The following SLC30A3 variants were observed in gnomAD, a reference collection of about 807,000 sequenced individuals.
SLC30A3 encodes solute carrier family 30 member 3.
SLC30A3 carries 20 observed loss-of-function variants against 35.6 expected under a neutral mutation model. The ratio of observed to expected loss-of-function variants is 0.56; its 90% CI spans 0.39 to 0.82. SLC30A3 has a LOEUF of 0.82. Among genes scored for constraint, SLC30A3 ranks in the 40% least tolerant of loss-of-function variants. The probability of loss-of-function intolerance (pLI) is 0.00; values close to 1 mark genes in which losing one functional copy is unlikely to be tolerated. For synonymous variants in SLC30A3, 217 were observed against 224.7 expected (o/e 0.97, Z 0.31); for missense variants, 401 against 530.6 (o/e 0.76, Z 2.40).
At position 27,256,491 on chromosome 2, in the gene SLC30A3, C is replaced by T. The variant is rs763233507; in HGVS notation, c.913G>A (p.Val305Met). 8 of 1,614,020 alleles carry T rather than the reference C, an allele frequency of 5.0e-6. No homozygotes were observed. Among genetic ancestry groups the T allele is most frequent in the African/African-American group, 4.0e-5 (3 of 74,918 alleles). The change falls in exon 7 of 8, where the codon GTG becomes ATG. Residue 305 changes from valine (V) to methionine (M), a missense_variant. Coordinates refer to ENST00000233535, the MANE Select transcript of SLC30A3 (RefSeq NM_003459.5). ...GGCACCGACAACAGCGTATCCCGCACAGGTTCGAACCCCACATTGCGGGGG... is the reference window on the plus strand; with the variant it reads ...GGCACCGACAACAGCGTATCCCGCATAGGTTCGAACCCCACATTGCGGGGG... Reference protein sequence around the residue: ...GTPRNVGFEPVRDTLLSVPGV... With the variant: ...GTPRNVGFEPMRDTLLSVPGV...
chr2:27,255,835 T>C lies in SLC30A3; in HGVS notation c.1019-375A>G, dbSNP rs567446466. 95 of 229,248 alleles carry C rather than the reference T, an allele frequency of 4.1e-4. No individual in the cohort carries two copies. The highest frequency in any genetic ancestry group is 2.1e-3 in the African/African-American group (92 of 43,118). The allele number at this position is 229,248 out of a possible 1,614,324, so 14.2% of individuals were successfully genotyped here. A position where few individuals can be genotyped will look rare whatever the true frequency, so the allele number is the denominator to read the frequency against. ...CCCACAAATTATAATATTTTTGGCA[T>C]ACAAATTGCATGACTCTGATTGCTT... On this transcript the variant is annotated intron_variant, in intron 7 of 7. Transcript: ENST00000233535. The surrounding 1 kb of genome is among the most constrained non-coding windows in gnomAD (Gnocchi z 5.2).
At chr2:27,274,659 G>C (rs1677914786) in intron 1 of SLC30A3, among the ~76,000 whole-genome samples, 1 of 146,452 alleles carries the variant, frequency 6.8e-6, no homozygotes. Context: ...TAGCAATAGA[G>C]ATCAAGAGCG....
intron 1 of SLC30A3, among the ~76,000 whole-genome samples, chr2:27,272,443 A>C (rs1677763892): frequency 6.6e-6 from 1 of 151,966 alleles, no homozygotes; most frequent in South Asian, 2.1e-4. Flanking sequence ...AATGGTCAAC[A>C]AACAAACAAG....
At chr2:27,272,648 G>T (rs1408323494) in intron 1 of SLC30A3, among the ~76,000 whole-genome samples, 1 of 151,542 alleles carries the variant, frequency 6.6e-6, no homozygotes, top group African/African-American at 2.4e-5. Context: ...GACTGGTCTT[G>T]AACTCCTGAC....
chr2:27,260,231 C>T lies in SLC30A3; in HGVS notation c.96-1297G>A, dbSNP rs1254107260. On this transcript the variant is annotated intron_variant, in intron 1 of 7. Coordinates refer to ENST00000233535, the MANE Select transcript of SLC30A3 (RefSeq NM_003459.5). ...GACATTGGGGCCAAAAAGTCTGATT[C>T]CGGGCACAGAGAACTGATGGCTAGA... Among the ~76,000 whole-genome samples, 9 of 152,232 alleles carry T rather than the reference C, an allele frequency of 5.9e-5. No homozygotes were observed. The South Asian group carries it at 1.9e-3, about 32-fold the overall frequency.
At chr2:27,270,115 G>A (rs1677670243) in intron 1 of SLC30A3, among the ~76,000 whole-genome samples, 1 of 152,128 alleles carries the variant, frequency 6.6e-6, no homozygotes, top group Non-Finnish European at 1.5e-5. Context: ...AATTTTATCT[G>A]TTATTCCTTT....
chr2:27,259,388 G>A (rs1054988472), intron 1 of SLC30A3, among the ~76,000 whole-genome samples: 39 of 152,154 alleles, frequency 2.6e-4, no homozygotes, highest in African/African-American at 7.5e-4. Context: ...AGCTACTTGG[G>A]AGGCTGAGGC....
At chr2:27,270,031 A>T (rs927395549) in intron 1 of SLC30A3, among the ~76,000 whole-genome samples, 1 of 152,178 alleles carries the variant, frequency 6.6e-6, no homozygotes, top group Admixed American at 6.5e-5. Context: ...AACAGAAAGA[A>T]GTGATTTAAG....
Position 27,257,198 on chromosome 2 carries a change from G to GC in SLC30A3, c.732dup (p.Gln245AlafsTer76). ...GAGGCAGCCAGTACCCCAAAGCTCT[G>GC]CAGGAGGTCCCCCAGCACGTGCACA... On this transcript the variant is annotated frameshift_variant, in exon 5 of 8. Coordinates refer to ENST00000233535, the MANE Select transcript of SLC30A3 (RefSeq NM_003459.5). LOFTEE classifies it high-confidence loss of function. The surrounding 1 kb of genome is among the most constrained non-coding windows in gnomAD (Gnocchi z 4.7). 6.2e-7 allele frequency: 1 copy of GC among 1,614,098 alleles called. No individual in the cohort carries two copies. Among genetic ancestry groups the GC allele is most frequent in the Non-Finnish European group, 8.5e-7 (1 of 1,180,008 alleles).
chr2:27,261,054 C>T lies in SLC30A3; in HGVS notation c.95+1758G>A, dbSNP rs577289037. 6.6e-5 allele frequency among the ~76,000 whole-genome samples: 10 copies of T among 152,258 alleles called. No homozygotes were observed. In the East Asian group the frequency reaches 7.7e-4, roughly 12 times the overall value. On this transcript the variant is annotated intron_variant, in intron 1 of 7. Coordinates refer to ENST00000233535, the MANE Select transcript of SLC30A3 (RefSeq NM_003459.5). ...CAGGGAAGGGAGCACTCCCTCACAG[C>T]GGGCTCGGAGAACTTCACAGAGAAA...
intron 1 of SLC30A3, among the ~76,000 whole-genome samples, chr2:27,274,030 C>T (rs950092122): frequency 6.6e-6 from 1 of 152,066 alleles, no homozygotes; most frequent in Non-Finnish European, 1.5e-5. Flanking sequence ...CAATGGCTCA[C>T]GCCTTCAAGG....
chr2:27,264,292 A>T (rs1447787834), upstream of SLC30A3, among the ~76,000 whole-genome samples: 1 of 152,162 alleles, frequency 6.6e-6, no homozygotes, highest in Non-Finnish European at 1.5e-5. This position sits in a 1 kb window ranked among gnomAD's most constrained non-coding sequence, Gnocchi z 6.1. Context: ...GGGGACAGAC[A>T]CCTACCCTCG....
In SLC30A3 at chr2:27,254,156, A is replaced by T. The variant is rs1223210502; in HGVS notation, c.*1156T>A. The T allele has an allele frequency of 2.0e-5, 3 of 152,148 alleles. No homozygotes were observed. In the East Asian group the frequency reaches 5.8e-4, roughly 29 times the overall value. 9.4% of individuals were successfully genotyped at this position (152,148 alleles called of 1,614,324 possible). ...GGTTGAGGGGTCCCTACCGCTGGAC[A>T]CCTTAGATGGCCTGAGAACCAAGCC... On this transcript the variant is annotated 3_prime_UTR_variant, in exon 8 of 8. Coordinates refer to ENST00000233535, the MANE Select transcript of SLC30A3 (RefSeq NM_003459.5).
At chr2:27,268,496 A>G (rs773003589) in intron 1 of SLC30A3, among the ~76,000 whole-genome samples, 69 of 152,276 alleles carry the variant, frequency 4.5e-4, no homozygotes, top group Admixed American at 2.6e-3. Flanking sequence ...GCTCACGCCT[A>G]TAATCCCAGC....
At chr2:27,263,957 C>T (rs1366649524), upstream of SLC30A3, 8 of 992,562 alleles carry the variant, frequency 8.1e-6, no homozygotes, top group East Asian at 3.0e-4. Context: ...TGGACATTAC[C>T]GCATTCTGCC....
Position 27,262,722 on chromosome 2 carries a change from G to T in SLC30A3, c.95+90C>A. 1 of 1,298,658 alleles carries T rather than the reference G, an allele frequency of 7.7e-7. No individual in the cohort carries two copies. Among genetic ancestry groups the T allele is most frequent in the Non-Finnish European group, 1.0e-6 (1 of 987,098 alleles). The allele number at this position is 1,298,658 out of a possible 1,614,324, so 80.4% of individuals were successfully genotyped here. A position where few individuals can be genotyped will look rare whatever the true frequency, so the allele number is the denominator to read the frequency against. On this transcript the variant is annotated intron_variant, in intron 1 of 7. Coordinates refer to ENST00000233535, the MANE Select transcript of SLC30A3 (RefSeq NM_003459.5). The surrounding 1 kb of genome is among the most constrained non-coding windows in gnomAD (Gnocchi z 7.5). The stretch of plus-strand genomic sequence containing the variant: ...GGACCCGCGGTGCGCTGGGGCGGCC[G>T]CCGGGGCCCGCGCCGAGAGAGACAA...
In SLC30A3 at chr2:27,271,903, A is replaced by G. The variant is rs1677740827; in HGVS notation, c.-159+3274T>C. ...TGATTAGTTAGAATGTCAGAGGGCC[A>G]TGATAAGAAGTGAAAACATTCTGCA... On this transcript the variant is annotated intron_variant, in intron 1 of 5. Transcript: ENST00000424577. The surrounding 1 kb of genome is among the most constrained non-coding windows in gnomAD (Gnocchi z 4.3). Among the ~76,000 whole-genome samples the G allele has an allele frequency of 6.6e-6, 1 of 152,252 alleles. No homozygotes were observed. Among genetic ancestry groups the G allele is most frequent in the African/African-American group, 2.4e-5 (1 of 41,476 alleles).
chr2:27,264,193 T>C (rs1018690149), upstream of SLC30A3: 2 of 562,988 alleles, frequency 3.6e-6, no homozygotes, highest in African/African-American at 1.9e-5. The surrounding 1 kb of genome is among the most constrained non-coding windows in gnomAD (Gnocchi z 6.1). Context: ...TGGGGAAGCG[T>C]GGAGGGTGGG....
chr2:27,270,821 T>C (rs1388651207), intron 1 of SLC30A3, among the ~76,000 whole-genome samples: 2 of 151,844 alleles, frequency 1.3e-5, no homozygotes, highest in East Asian at 3.9e-4. Context: ...GCAAACACAA[T>C]TGGGTGGGTG....
Sources: gnomAD v4.1 joint callset for allele counts (sites outside exome capture counted in the v4.1 genomes callset) on GRCh38, gnomAD v4.1.1 for gene constraint, Gnocchi (gnomAD v3.1) non-coding constraint, MANE v1.5 for transcripts, NCBI Gene and HGNC (gene_info 2026-07-23, HGNC 2026-07-21) for gene names.